Variants in NSUN3 observed in about 807,000 individuals in gnomAD.
NSUN3 encodes the protein NOP2/Sun RNA methyltransferase 3, also known as tRNA (cytosine(34)-C(5))-methyltransferase, mitochondrial.
In NSUN3, 24 loss-of-function variants were observed where a neutral mutation model predicts 36.8. The ratio of observed to expected loss-of-function variants is 0.65; its 90% CI spans 0.47 to 0.92. NSUN3 has a LOEUF of 0.92. Ranked by LOEUF, NSUN3 falls within the 40% of genes least tolerant of loss-of-function variation. The pLI, the probability that NSUN3 is intolerant of heterozygous loss-of-function variation, is 0.00. For synonymous variants in NSUN3, 146 were observed against 145.2 expected (o/e 1.01, Z -0.04); for missense variants, 381 against 392.8 (o/e 0.97, Z 0.25).
At chr3:94,074,305 A>C (rs984833540) in intron 2 of NSUN3, among the ~76,000 whole-genome samples, 4 of 152,122 alleles carry the variant, frequency 2.6e-5, no homozygotes, top group Non-Finnish European at 5.9e-5. Flanking sequence ...ATTCCATATG[A>C]AGTTTAAAGT....
At chr3:94,069,342 CA>C (rs2077216567) in intron 2 of NSUN3, among the ~76,000 whole-genome samples, 1 of 152,180 alleles carries the variant, frequency 6.6e-6, no homozygotes, top group African/African-American at 2.4e-5. Context: ...TAAAATGACT[CA>C]AAAACATACT....
intron 2 of NSUN3, chr3:94,076,804 A>C (rs368749574): frequency 9.5e-6 from 15 of 1,579,764 alleles, no homozygotes; most frequent in Middle Eastern, 3.7e-4. Flanking sequence ...CTTCTCCTTC[A>C]TGGTTGATCT....
intron 2 of NSUN3, among the ~76,000 whole-genome samples, chr3:94,078,858 G>T (rs914933773): frequency 4.6e-5 from 7 of 152,108 alleles, no homozygotes; most frequent in African/African-American, 1.7e-4. Flanking sequence ...CCTGAATACA[G>T]CACACTGCTG....
At chr3:94,063,784 ATT>A (rs765135571) in intron 1 of NSUN3, 24 of 142,122 alleles carry the variant, frequency 1.7e-4, no homozygotes, top group South Asian at 2.3e-4. Flanking sequence ...CGCCTGGCTA[ATT>A]TTTTTTTTTT....
At chr3:94,103,231 A>G (rs1212453081) in intron 5 of NSUN3, among the ~76,000 whole-genome samples, 1 of 152,042 alleles carries the variant, frequency 6.6e-6, no homozygotes, top group African/African-American at 2.4e-5. Flanking sequence ...AGCATTGCAG[A>G]TTTTAAAATA....
At chr3:94,073,063 C>G (rs1233381752) in intron 2 of NSUN3, among the ~76,000 whole-genome samples, 1 of 152,100 alleles carries the variant, frequency 6.6e-6, no homozygotes, top group Non-Finnish European at 1.5e-5. Flanking sequence ...GTTTAATTTT[C>G]TGTTCTGTGA....
intron 5 of NSUN3, among the ~76,000 whole-genome samples, chr3:94,114,420 A>AT (rs1281854284): frequency 6.6e-6 from 1 of 152,158 alleles, no homozygotes; most frequent in Non-Finnish European, 1.5e-5. Flanking sequence ...ATAAGGTTTT[A>AT]TTAAGACTCT....
chr3:94,127,388 A>G lies in NSUN3; in HGVS notation c.*898A>G, dbSNP rs1400830311. ...GGGGCTTTTTATTTCACTTTGTTAT[A>G]AAATGTTCTCTGAGAATATGATGCC... On this transcript the variant is annotated 3_prime_UTR_variant, in exon 6 of 6. Transcript: ENST00000314622. 6.6e-6 allele frequency: 1 copy of G among 152,220 alleles called. No individual in the cohort carries two copies. Among genetic ancestry groups the G allele is most frequent in the East Asian group, 1.9e-4 (1 of 5,194 alleles). The allele number at this position is 152,220 out of a possible 1,614,324, so 9.4% of individuals were successfully genotyped here. A position where few individuals can be genotyped will look rare whatever the true frequency, so the allele number is the denominator to read the frequency against.
At chr3:94,088,617 A>AC (rs2077302220) in intron 3 of NSUN3, among the ~76,000 whole-genome samples, 1 of 151,056 alleles carries the variant, frequency 6.6e-6, no homozygotes, top group African/African-American at 2.4e-5. Flanking sequence ...TAATACACAA[A>AC]TGCTGACTTC....
intron 3 of NSUN3, among the ~76,000 whole-genome samples, chr3:94,089,222 G>A (rs1009975649): frequency 6.6e-6 from 1 of 152,074 alleles, no homozygotes; most frequent in Non-Finnish European, 1.5e-5. Context: ...CATGAGTGGG[G>A]CAGGAGAGGG....
At position 94,127,835 on chromosome 3, in the gene NSUN3, A is replaced by G. The variant is rs1429612773; in HGVS notation, c.*1345A>G. ...TTTGCAAGCATATGTAACCCGGTTT[A>G]TATCATCAGGAAGTCTTAGGAAGAA... On this transcript the variant is annotated 3_prime_UTR_variant, in exon 6 of 6. Transcript: ENST00000314622. The G allele has an allele frequency of 6.6e-6, 1 of 152,174 alleles. No individual in the cohort carries two copies. The highest frequency in any genetic ancestry group is 2.4e-5 in the African/African-American group (1 of 41,436). The allele number at this position is 152,174 out of a possible 1,614,324, so 9.4% of individuals were successfully genotyped here.
chr3:94,130,465 A>G lies in NSUN3; in HGVS notation c.*3975A>G, dbSNP rs2077505208. ...AGAAAACTGAAAATAACAAAAACCCAGGACATTTTTGGAAATTGTATGCTC... is the reference window on the plus strand; with the variant it reads ...AGAAAACTGAAAATAACAAAAACCCGGGACATTTTTGGAAATTGTATGCTC... On this transcript the variant is annotated 3_prime_UTR_variant, in exon 6 of 6. Transcript: ENST00000314622. 6.6e-6 allele frequency among the ~76,000 whole-genome samples: 1 copy of G among 152,216 alleles called. No homozygotes were observed. The highest frequency in any genetic ancestry group is 2.1e-4 in the South Asian group (1 of 4,834).
chr3:94,130,948 C>T lies in NSUN3; in HGVS notation c.*4458C>T, dbSNP rs2077506746. ...AATGGAATTTAGTTCCTCCCACTGTCCCCAACCCAGCTAGAGTGCAGTGGT... is the reference window on the plus strand; with the variant it reads ...AATGGAATTTAGTTCCTCCCACTGTTCCCAACCCAGCTAGAGTGCAGTGGT... On this transcript the variant is annotated 3_prime_UTR_variant, in exon 6 of 6. Transcript: ENST00000314622. Among the ~76,000 whole-genome samples, 1 of 151,934 alleles carries T rather than the reference C, an allele frequency of 6.6e-6. No individual in the cohort carries two copies. The highest frequency in any genetic ancestry group is 1.5e-5 in the Non-Finnish European group (1 of 67,972).
intron 3 of NSUN3, among the ~76,000 whole-genome samples, chr3:94,087,867 C>T (rs2077298748): frequency 6.6e-6 from 1 of 152,128 alleles, no homozygotes; most frequent in African/African-American, 2.4e-5. Context: ...TGGGGTTTCA[C>T]TATGTTGCCC....
Position 94,084,162 on chromosome 3 carries a change from A to G in NSUN3, c.178A>G (p.Asn60Asp). The change falls in exon 3 of 6, where the codon AAT becomes GAT. Residue 60 changes from asparagine to aspartate, a missense_variant. Physicochemically the swap from Asn to Asp is conservative, Grantham distance 23. Coordinates refer to ENST00000314622, the MANE Select transcript of NSUN3 (RefSeq NM_022072.5). Reference sequence around the variant, plus strand: ...ATATGCTGTCCTGCTTAACCGATTCAATTATCCTTTTGAACTGGAAAAGGA... The same window carrying G: ...ATATGCTGTCCTGCTTAACCGATTCGATTATCCTTTTGAACTGGAAAAGGA... ...WQYAVLLNRF[N>D]YPFELEKDLH... The G allele has an allele frequency of 1.9e-6, 3 of 1,614,114 alleles. No homozygotes were observed. The highest frequency in any genetic ancestry group is 2.2e-5 in the East Asian group (1 of 44,890).
intron 5 of NSUN3, among the ~76,000 whole-genome samples, chr3:94,124,334 C>CCACCACCAG: frequency 6.6e-6 from 1 of 151,256 alleles, no homozygotes; most frequent in South Asian, 2.1e-4. Flanking sequence ...CCCATGTGGT[C>CCACCACCAG]CATGCTGGTC....
At chr3:94,123,275 T>C (rs1046081939) in intron 5 of NSUN3, among the ~76,000 whole-genome samples, 5 of 152,224 alleles carry the variant, frequency 3.3e-5, no homozygotes, top group Admixed American at 6.5e-5. Context: ...TGCACTCTTT[T>C]CTGAATTACA....
intron 2 of NSUN3, among the ~76,000 whole-genome samples, chr3:94,080,967 C>G (rs983531762): frequency 6.6e-6 from 1 of 152,228 alleles, no homozygotes; most frequent in Non-Finnish European, 1.5e-5. Flanking sequence ...GAAAAGAAAA[C>G]TCCTGCAGCT....
chr3:94,076,276 G>A (rs2077245383), intron 2 of NSUN3: 1 of 896,638 alleles, frequency 1.1e-6, no homozygotes, highest in Admixed American at 1.7e-5. Context: ...AGATTTCTCA[G>A]ATCCCACAAG....
Sources: gnomAD v4.1 joint callset for allele counts (sites outside exome capture counted in the v4.1 genomes callset) on GRCh38, gnomAD v4.1.1 for gene constraint, MANE v1.5 for transcripts, NCBI Gene and HGNC (gene_info 2026-07-23, HGNC 2026-07-21) for gene names.